The following COPS2 variants were observed in gnomAD, a reference collection of about 807,000 sequenced individuals.
The protein encoded by COPS2 is COP9 signalosome complex subunit 2.
Under a neutral mutation model 66.1 loss-of-function variants are expected in COPS2, and 10 were observed. That is an observed-to-expected ratio of 0.15 (90% CI 0.09 to 0.26). COPS2 has a LOEUF of 0.26. COPS2 is among the 10% of genes least tolerant of loss of function. COPS2 has a pLI of 1.00. For missense variants in COPS2, 215 were observed against 513.3 expected (o/e 0.42, Z 5.62); for synonymous variants, 179 against 171.3 (o/e 1.04, Z -0.35).
At chr15:49,154,328 TAACTATTAGCGA>T (rs896537718) in intron 1 of COPS2, among the ~76,000 whole-genome samples, 7 of 152,200 alleles carry the variant, frequency 4.6e-5, no homozygotes, top group African/African-American at 1.7e-4. Flanking sequence ...GTAGAAACCA[TAACTATTAGCGA>T]AACTACATTT....
intron 1 of COPS2, among the ~76,000 whole-genome samples, chr15:49,146,879 A>G (rs1380463872): frequency 6.6e-6 from 1 of 152,184 alleles, no homozygotes; most frequent in Non-Finnish European, 1.5e-5. Flanking sequence ...TCCTGTGTCC[A>G]ACCTTATCTC....
At chr15:49,137,735 TAC>T (rs2084263885) in intron 4 of COPS2, 3 of 235,870 alleles carry the variant, frequency 1.3e-5, no homozygotes, top group African/African-American at 6.8e-5. Flanking sequence ...AATCTAATAA[TAC>T]ATTCTGTATT....
chr15:49,151,167 G>A (rs979105373), intron 1 of COPS2, among the ~76,000 whole-genome samples: 3 of 152,054 alleles, frequency 2.0e-5, no homozygotes, highest in African/African-American at 4.8e-5. Flanking sequence ...TTGGGAGGGC[G>A]AGGAAGGCCA....
intron 6 of COPS2, among the ~76,000 whole-genome samples, 165 bp downstream of exon 6, chr15:49,136,983 CCT>C (rs890447517): frequency 3.4e-5 from 5 of 149,088 alleles, no homozygotes; most frequent in African/African-American, 9.7e-5. Context: ...AGAGCCATAC[CCT>C]CTCTCTCAAA....
chr15:49,155,073 GAC>G (rs1260042110), intron 1 of COPS2, among the ~76,000 whole-genome samples: 1 of 152,212 alleles, frequency 6.6e-6, no homozygotes, highest in Non-Finnish European at 1.5e-5. Flanking sequence ...GAGCAGTAAG[GAC>G]ACCCCCGTTT....
chr15:49,136,062 A>G (rs1471846381), intron 6 of COPS2, among the ~76,000 whole-genome samples: 1 of 152,196 alleles, frequency 6.6e-6, no homozygotes, highest in African/African-American at 2.4e-5. Flanking sequence ...CTAAGTGACT[A>G]ATCTGCTTTA....
intron 9 of COPS2, among the ~76,000 whole-genome samples, chr15:49,131,975 G>A: frequency 6.6e-6 from 1 of 152,180 alleles, no homozygotes; most frequent in Middle Eastern, 3.4e-3. Context: ...ATTTATAAAT[G>A]TCATTATATA....
chr15:49,128,124 A>G (rs1566880938), intron 12 of COPS2, 30 bp from the exon 13 acceptor site: 1 of 1,603,504 alleles, frequency 6.2e-7, no homozygotes, highest in Non-Finnish European at 8.5e-7. Flanking sequence ...ATGTGTCTAC[A>G]AAAGACTTTC....
In COPS2 at chr15:49,124,570, A is replaced by C. The variant is rs1399291725; in HGVS notation, c.*3380T>G. ...TTTGCGTCACATTCTGAAACCTGAT[A>C]CTCCATCTCTTGTTCTGGATAGTGT... On this transcript the variant is annotated 3_prime_UTR_variant, in exon 13 of 13. Coordinates refer to ENST00000388901, the MANE Select transcript of COPS2 (RefSeq NM_004236.4). 1 of 152,048 alleles carries C rather than the reference A, an allele frequency of 6.6e-6. No individual in the cohort carries two copies. The highest frequency in any genetic ancestry group is 1.5e-5 in the Non-Finnish European group (1 of 67,996). 9.4% of individuals were successfully genotyped at this position (152,048 alleles called of 1,614,324 possible).
chr15:49,147,647 A>G (rs1410043889), intron 1 of COPS2, among the ~76,000 whole-genome samples: 1 of 151,686 alleles, frequency 6.6e-6, no homozygotes, highest in Non-Finnish European at 1.5e-5. Context: ...GAATACTTAT[A>G]ATAAGAGTAG....
At position 49,126,542 on chromosome 15, in the gene COPS2, C is replaced by T. The variant is rs920539366; in HGVS notation, c.*1408G>A. 1 of 152,260 alleles carries T rather than the reference C, an allele frequency of 6.6e-6. No homozygotes were observed. The highest frequency in any genetic ancestry group is 1.9e-4 in the East Asian group (1 of 5,196). 9.4% of individuals were successfully genotyped at this position (152,260 alleles called of 1,614,324 possible). A position where few individuals can be genotyped will look rare whatever the true frequency, so the allele number is the denominator to read the frequency against. ...TAATAATAACAAGCAATAGAAAAACCAAAGAAATTATGTTAATCCTAGTTC... is the reference window on the plus strand; with the variant it reads ...TAATAATAACAAGCAATAGAAAAACTAAAGAAATTATGTTAATCCTAGTTC... On this transcript the variant is annotated 3_prime_UTR_variant, in exon 13 of 13. Coordinates refer to ENST00000388901, the MANE Select transcript of COPS2 (RefSeq NM_004236.4).
At chr15:49,137,520 GC>G in intron 4 of COPS2, 83 bp from the exon 5 acceptor site, 1 of 986,282 alleles carries the variant, frequency 1.0e-6, no homozygotes, top group South Asian at 1.3e-5. Context: ...AACTAAAAGT[GC>G]ATCTTTGAAC....
rs966478117 is a variant in COPS2 at position 49,122,922 on chromosome 15, C to A, written c.*5028G>T. On this transcript the variant is annotated 3_prime_UTR_variant, in exon 13 of 13. Coordinates refer to ENST00000388901, the MANE Select transcript of COPS2 (RefSeq NM_004236.4). ...CTAATCACCTACTACTTCCTTCCCA[C>A]CTAGTGTTAGCTCAAGGAATTTGAT... 2 of 152,196 alleles carry A rather than the reference C, an allele frequency of 1.3e-5. No homozygotes were observed. Among genetic ancestry groups the A allele is most frequent in the Non-Finnish European group, 2.9e-5 (2 of 68,008 alleles). The allele number at this position is 152,196 out of a possible 1,614,324, so 9.4% of individuals were successfully genotyped here. A position where few individuals can be genotyped will look rare whatever the true frequency, so the allele number is the denominator to read the frequency against.
chr15:49,137,537 T>C (rs112334413), intron 4 of COPS2, 100 bp from the exon 5 acceptor site: 5 of 838,202 alleles, frequency 6.0e-6, no homozygotes, highest in Non-Finnish European at 4.0e-6. Context: ...TGAACTTTAA[T>C]ACACATAAGA....
At chr15:49,128,215 A>T in intron 12 of COPS2, 121 bp from the exon 13 acceptor site, 5 of 847,860 alleles carry the variant, frequency 5.9e-6, no homozygotes, top group Middle Eastern at 3.1e-4. Context: ...CCTACATTAA[A>T]TGAGTTCAGT....
chr15:49,133,720 T>G (rs760534533), intron 9 of COPS2, 39 bp downstream of exon 9: 21 of 1,429,208 alleles, frequency 1.5e-5, no homozygotes, highest in Non-Finnish European at 2.0e-5. Context: ...TATGAACTGC[T>G]TTAAGGAAAT....
chr15:49,155,253 G>C (rs570563492), intron 1 of COPS2, among the ~76,000 whole-genome samples: 2 of 152,266 alleles, frequency 1.3e-5, no homozygotes, highest in African/African-American at 4.8e-5. Flanking sequence ...CCTGGGACCA[G>C]GGGCATCCGT....
intron 1 of COPS2, among the ~76,000 whole-genome samples, chr15:49,145,757 A>G (rs1430437120): frequency 1.3e-5 from 2 of 152,150 alleles, no homozygotes; most frequent in East Asian, 3.9e-4. Context: ...AACAAGGCAG[A>G]AGGGAAAACT....
rs573971229 is a variant in COPS2, at chr15:49,132,354, C to CT, written c.947+1404dup. Among the ~76,000 whole-genome samples, 171 of 144,482 alleles carry CT rather than the reference C, an allele frequency of 1.2e-3. 2 individuals carry two copies. In the East Asian group the frequency reaches 0.014, roughly 12 times the overall value. 94.8% of individuals were successfully genotyped at this position (144,482 alleles called of 152,430 possible). A position where few individuals can be genotyped will look rare whatever the true frequency, so the allele number is the denominator to read the frequency against. ...TTCTTAGTCCCCCTAAAAAAAAACG[C>CT]TTTTTTTTTTACAGCCAAAATTAAG... On this transcript the variant is annotated intron_variant, in intron 9 of 12. Coordinates refer to ENST00000388901, the MANE Select transcript of COPS2 (RefSeq NM_004236.4).
Sources: gnomAD v4.1 joint callset for allele counts (sites outside exome capture counted in the v4.1 genomes callset) on GRCh38, gnomAD v4.1.1 for gene constraint, MANE v1.5 for transcripts, NCBI Gene and HGNC (gene_info 2026-07-23, HGNC 2026-07-21) for gene names.